The following PTBP3 variants were observed in gnomAD, a reference collection of about 807,000 sequenced individuals.
PTBP3 encodes the protein polypyrimidine tract binding protein 3.
PTBP3 carries 20 observed loss-of-function variants against 58.7 expected under a neutral mutation model. The observed-to-expected ratio is 0.34, with a 90% CI of 0.24 to 0.50. The LOEUF (loss-of-function observed/expected upper bound fraction) is 0.50, where lower values mean the gene tolerates loss of function less well. PTBP3 is among the 20% of genes least tolerant of loss of function. The pLI is 0.98. For synonymous variants in PTBP3, 185 were observed against 219.8 expected (o/e 0.84, Z 1.40); for missense variants, 509 against 637.2 (o/e 0.80, Z 2.17).
intron 1 of PTBP3, chr9:112,330,342 CT>C: frequency 2.2e-6 from 2 of 907,774 alleles, no homozygotes; most frequent in Non-Finnish European, 3.4e-6. Flanking sequence ...AAATTAAAGA[CT>C]TTTACACAAT....
intron 2 of PTBP3, among the ~76,000 whole-genome samples, chr9:112,284,860 G>C (rs563058684): frequency 6.6e-6 from 1 of 152,114 alleles, no homozygotes; most frequent in Admixed American, 6.5e-5. Flanking sequence ...TACCCCCGTT[G>C]TATCTTCGAA....
At chr9:112,302,795 G>T (rs561384583) in intron 1 of PTBP3, among the ~76,000 whole-genome samples, 16 of 152,002 alleles carry the variant, frequency 1.1e-4, no homozygotes, top group African/African-American at 3.9e-4. Context: ...TCACCCTGTT[G>T]GTCAGGCTGG....
At chr9:112,278,885 G>A (rs762406356) in intron 2 of PTBP3, among the ~76,000 whole-genome samples, 6 of 152,084 alleles carry the variant, frequency 3.9e-5, no homozygotes, top group Admixed American at 6.5e-5. Context: ...TCAATAATAC[G>A]TCTAGCATTT....
chr9:112,317,767 T>G (rs1829765328), intron 1 of PTBP3, among the ~76,000 whole-genome samples: 1 of 151,986 alleles, frequency 6.6e-6, no homozygotes, highest in Non-Finnish European at 1.5e-5. Context: ...ACCAACATGG[T>G]GAAACCTTGT....
chr9:112,225,020 G>C (rs1239031608), intron 12 of PTBP3, among the ~76,000 whole-genome samples: 1 of 152,164 alleles, frequency 6.6e-6, no homozygotes, highest in Non-Finnish European at 1.5e-5. Flanking sequence ...AAGCCACCCA[G>C]CTAAGCCACT....
At chr9:112,313,787 T>C (rs943074411) in intron 1 of PTBP3, among the ~76,000 whole-genome samples, 2 of 152,220 alleles carry the variant, frequency 1.3e-5, no homozygotes, top group African/African-American at 4.8e-5. Context: ...CGCCATTTGT[T>C]GTCTTTGGCT....
chr9:112,223,997 A>G lies in PTBP3; in HGVS notation c.1443-14T>C. 1.2e-6 allele frequency: 2 copies of G among 1,608,206 alleles called. No homozygotes were observed. The highest frequency in any genetic ancestry group is 1.7e-6 in the Non-Finnish European group (2 of 1,176,704). On this transcript the variant is annotated splice_polypyrimidine_tract_variant and intron_variant, in intron 13 of 13. Transcript: ENST00000374257. Reference sequence around the variant, plus strand: ...TTGCGATCTTTCCTGAAAATGGTATAAGAAATACAGAAAGTATTTAGAATG... The same window carrying G: ...TTGCGATCTTTCCTGAAAATGGTATGAGAAATACAGAAAGTATTTAGAATG...
chr9:112,254,774 AT>A (rs1327073337), intron 5 of PTBP3, among the ~76,000 whole-genome samples: 2 of 152,214 alleles, frequency 1.3e-5, no homozygotes, highest in African/African-American at 4.8e-5. Context: ...GTTGGTAGAA[AT>A]GTAAAATGTT....
In PTBP3 at chr9:112,242,342, G is replaced by GT. The variant is rs568810694; in HGVS notation, c.803-7446dup. Among the ~76,000 whole-genome samples, 511 of 152,222 alleles carry GT rather than the reference G, an allele frequency of 3.4e-3. 3 individuals are homozygous for GT. The highest frequency in any genetic ancestry group is 5.9e-3 in the Non-Finnish European group (398 of 68,018). On this transcript the variant is annotated intron_variant, in intron 7 of 13. Coordinates refer to ENST00000374257, the MANE Select transcript of PTBP3 (RefSeq NM_001163788.4). ...TCACCAGGCTAGGTAGGAGCCAGAG[G>GT]TTTTGCCAACTTGGAGTGAGTAATG...
chr9:112,302,196 G>GA (rs1026520884), intron 1 of PTBP3, among the ~76,000 whole-genome samples: 5 of 151,562 alleles, frequency 3.3e-5, no homozygotes, highest in Middle Eastern at 3.4e-3. Context: ...TTTGTAAAAT[G>GA]AAAAAAAACA....
intron 1 of PTBP3, chr9:112,333,006 G>T (rs1055971454): frequency 1.6e-6 from 2 of 1,281,752 alleles, no homozygotes; most frequent in Non-Finnish European, 2.0e-6. Context: ...TGCACCCGCC[G>T]TCGGCCGCTC....
At chr9:112,235,990 A>C (rs1040431976) in intron 7 of PTBP3, among the ~76,000 whole-genome samples, 5 of 152,156 alleles carry the variant, frequency 3.3e-5, no homozygotes, top group African/African-American at 1.2e-4. Flanking sequence ...GTAAAACAAC[A>C]GTATTACAGA....
At position 112,222,424 on chromosome 9, in the gene PTBP3, C is replaced by CT; in HGVS notation, c.*1426dup. ...ATTAACAAAGAAAAGCAAGTTCTCGCTTGAGGACTGAGAAAAACCAAGTAA... is the reference window on the plus strand; with the variant it reads ...ATTAACAAAGAAAAGCAAGTTCTCGCTTTGAGGACTGAGAAAAACCAAGTAA... On this transcript the variant is annotated 3_prime_UTR_variant, in exon 14 of 14. Transcript: ENST00000374257. 1.0e-6 allele frequency: 1 copy of CT among 985,512 alleles called. No homozygotes were observed. The highest frequency in any genetic ancestry group is 1.2e-6 in the Non-Finnish European group (1 of 829,860). 61.0% of individuals were successfully genotyped at this position (985,512 alleles called of 1,614,324 possible). A position where few individuals can be genotyped will look rare whatever the true frequency, so the allele number is the denominator to read the frequency against.
At chr9:112,297,214 T>C (rs1828725566) in intron 2 of PTBP3, among the ~76,000 whole-genome samples, 1 of 152,214 alleles carries the variant, frequency 6.6e-6, no homozygotes, top group African/African-American at 2.4e-5. Context: ...AGTTTTGTTT[T>C]TTGTTTTTGA....
upstream of PTBP3, among the ~76,000 whole-genome samples, chr9:112,337,151 T>A (rs767702448): frequency 6.6e-6 from 1 of 152,164 alleles, no homozygotes; most frequent in African/African-American, 2.4e-5. Context: ...TGCCTTAGCC[T>A]CCCTGGTAGC....
chr9:112,224,723 G>A lies in PTBP3; in HGVS notation c.1365-513C>T, dbSNP rs542683876. ...TATTCCCCTCCCATAGAAAGCACAG[G>A]TATCCTCTGTAAACACTTTGGATAC... On this transcript the variant is annotated intron_variant, in intron 12 of 13. Coordinates refer to ENST00000374257, the MANE Select transcript of PTBP3 (RefSeq NM_001163788.4). 2.6e-5 allele frequency among the ~76,000 whole-genome samples: 4 copies of A among 152,256 alleles called. No individual in the cohort carries two copies. In the Middle Eastern group the frequency reaches 0.01, roughly 388 times the overall value.
At chr9:112,368,650 G>A in the PTBP3 span, among the ~76,000 whole-genome samples, 1 of 152,138 alleles carries the variant, frequency 6.6e-6, no homozygotes, top group African/African-American at 2.4e-5. Flanking sequence ...TTTCATAAGG[G>A]GACAATTGAT....
At chr9:112,306,294 A>G (rs1829205649) in intron 1 of PTBP3, among the ~76,000 whole-genome samples, 1 of 152,124 alleles carries the variant, frequency 6.6e-6, no homozygotes, top group Non-Finnish European at 1.5e-5. Flanking sequence ...CCTCCTGAGT[A>G]GCAGGGACCA....
chr9:112,374,621 G>C, the PTBP3 span, among the ~76,000 whole-genome samples: 1 of 152,190 alleles, frequency 6.6e-6, no homozygotes, highest in African/African-American at 2.4e-5. Flanking sequence ...AGATGATGGG[G>C]AACATGGTAA....
Sources: allele counts gnomAD v4.1 joint callset (sites outside exome capture counted in the v4.1 genomes callset), GRCh38; gene constraint gnomAD v4.1.1; transcripts MANE v1.5; gene names NCBI Gene and HGNC (gene_info 2026-07-23, HGNC 2026-07-21).